Variants in GBE1 observed in about 807,000 individuals in gnomAD.
GBE1 encodes 1,4-alpha-glucan-branching enzyme.
In GBE1, 70 loss-of-function variants were observed where a neutral mutation model predicts 88.8. The observed-to-expected ratio is 0.79, with a 90% CI of 0.65 to 0.96. The LOEUF (loss-of-function observed/expected upper bound fraction) is 0.96. GBE1 is among the 40% of genes least tolerant of loss of function. GBE1 has a pLI of 0.00. For missense variants in GBE1, 872 were observed against 871.0 expected (o/e 1.00, Z -0.01); for synonymous variants, 284 against 300.1 (o/e 0.95, Z 0.56).
At chr3:81,574,529 C>T (rs1344884882) in intron 12 of GBE1, among the ~76,000 whole-genome samples, 1 of 152,154 alleles carries the variant, frequency 6.6e-6, no homozygotes, top group Non-Finnish European at 1.5e-5. Flanking sequence ...AACCACTATG[C>T]TGTACCTTTT....
At chr3:81,618,285 G>A (rs563843138) in intron 7 of GBE1, among the ~76,000 whole-genome samples, 1 of 152,174 alleles carries the variant, frequency 6.6e-6, no homozygotes, top group Admixed American at 6.5e-5. Flanking sequence ...AATGCACAAA[G>A]CATTTTTAAC....
chr3:81,641,760 G>A (rs144354514), intron 7 of GBE1, among the ~76,000 whole-genome samples: 2 of 151,540 alleles, frequency 1.3e-5, no homozygotes, highest in African/African-American at 2.4e-5. Context: ...TCTAATTTAG[G>A]TTGAAAAATG....
chr3:81,594,076 T>A, intron 7 of GBE1, 53 bp from the exon 8 acceptor site: 1 of 794,886 alleles, frequency 1.3e-6, no homozygotes, highest in Non-Finnish European at 2.1e-6. Flanking sequence ...GCATTTTCCT[T>A]AACTGTTATA....
At chr3:81,728,696 A>G (rs1706144822) in intron 1 of GBE1, among the ~76,000 whole-genome samples, 1 of 152,204 alleles carries the variant, frequency 6.6e-6, no homozygotes, top group African/African-American at 2.4e-5. Flanking sequence ...AAGGAAAAAG[A>G]AAGAAAAATC....
At chr3:81,647,320 TA>T (rs1704779605) in intron 5 of GBE1, among the ~76,000 whole-genome samples, 1 of 152,152 alleles carries the variant, frequency 6.6e-6, no homozygotes, top group Non-Finnish European at 1.5e-5. Flanking sequence ...AATTTGCACC[TA>T]AAAAATTATT....
chr3:81,554,565 C>T (rs569393628), intron 12 of GBE1, among the ~76,000 whole-genome samples: 3 of 152,258 alleles, frequency 2.0e-5, no homozygotes, highest in East Asian at 3.9e-4. Flanking sequence ...AGCAAACACA[C>T]ATAGTGACAG....
chr3:81,750,612 T>C (rs1317105159), intron 1 of GBE1, among the ~76,000 whole-genome samples: 2 of 59,232 alleles, frequency 3.4e-5, no homozygotes, highest in Non-Finnish European at 5.7e-5. Flanking sequence ...TGTATATATA[T>C]ATATGTATAT....
intron 1 of GBE1, chr3:81,743,645 G>A (rs1706381956): frequency 7.9e-6 from 12 of 1,516,830 alleles, no homozygotes; most frequent in Non-Finnish European, 1.1e-5. Context: ...ATCCAGAAAG[G>A]TCTAGGGCTA....
chr3:81,589,964 G>C (rs1703855708), intron 9 of GBE1, among the ~76,000 whole-genome samples: 1 of 151,924 alleles, frequency 6.6e-6, no homozygotes, highest in African/African-American at 2.4e-5. Context: ...AAAAAATACT[G>C]GGTGTCTAAA....
intron 12 of GBE1, among the ~76,000 whole-genome samples, chr3:81,572,843 T>C (rs1559649050): frequency 6.6e-6 from 1 of 152,170 alleles, no homozygotes; most frequent in Non-Finnish European, 1.5e-5. Context: ...CTGGACATAG[T>C]AGTCAATTTG....
chr3:81,627,367 T>C (rs2107025582), intron 7 of GBE1, among the ~76,000 whole-genome samples: 1 of 152,322 alleles, frequency 6.6e-6, no homozygotes, highest in African/African-American at 2.4e-5. Context: ...AAGATAAACA[T>C]GGTCTTTGCC....
intron 3 of GBE1, among the ~76,000 whole-genome samples, chr3:81,660,602 AATT>A (rs1378375479): frequency 7.2e-5 from 11 of 152,178 alleles, no homozygotes. Context: ...ATTTAAAAAA[AATT>A]ATATGTTCAT....
At chr3:81,562,996 G>A (rs1345467461) in intron 12 of GBE1, among the ~76,000 whole-genome samples, 1 of 151,908 alleles carries the variant, frequency 6.6e-6, no homozygotes, top group East Asian at 1.9e-4. Flanking sequence ...AGTTGTTCAG[G>A]AGAAAGGTTG....
chr3:81,754,295 G>A (rs1161703113), intron 1 of GBE1, among the ~76,000 whole-genome samples: 3 of 151,992 alleles, frequency 2.0e-5, no homozygotes, highest in African/African-American at 7.2e-5. Flanking sequence ...AAACTCTGAT[G>A]AAAGAAATAC....
intron 1 of GBE1, among the ~76,000 whole-genome samples, chr3:81,750,565 A>ATATATATATGTATATATATATGTG (rs1559708432): frequency 1.6e-5 from 1 of 63,678 alleles, no homozygotes; most frequent in African/African-American, 9.6e-5. Context: ...ATATATATGT[A>ATATATATATGTATATATATATGTG]TATATATATA....
At chr3:81,589,753 T>G (rs539853910) in intron 9 of GBE1, among the ~76,000 whole-genome samples, 5 of 152,198 alleles carry the variant, frequency 3.3e-5, no homozygotes, top group African/African-American at 9.6e-5. Context: ...TTGTCATTTG[T>G]AATATCTCTG....
At chr3:81,758,511 T>C (rs953592677) in intron 1 of GBE1, among the ~76,000 whole-genome samples, 4 of 152,226 alleles carry the variant, frequency 2.6e-5, no homozygotes, top group Non-Finnish European at 5.9e-5. Context: ...TTCATAAGCC[T>C]AGATTTTTGA....
chr3:81,581,118 A>C (rs1259450484), intron 11 of GBE1, 47 bp downstream of exon 11: 24 of 1,019,170 alleles, frequency 2.4e-5, no homozygotes, highest in Middle Eastern at 2.0e-4. Flanking sequence ...GGGAAGGAGG[A>C]AGAGAGAGAG....
At chr3:81,739,346 T>C (rs1004973688) in intron 1 of GBE1, among the ~76,000 whole-genome samples, 7 of 152,170 alleles carry the variant, frequency 4.6e-5, no homozygotes, top group African/African-American at 1.7e-4. Flanking sequence ...AAGCAAAATA[T>C]TTCATGTGAA....
Sources: gnomAD v4.1 joint callset for allele counts (sites outside exome capture counted in the v4.1 genomes callset) on GRCh38, gnomAD v4.1.1 for gene constraint, MANE v1.5 for transcripts, NCBI Gene and HGNC (gene_info 2026-07-23, HGNC 2026-07-21) for gene names.